The following KIAA1549L variants were observed in gnomAD, a reference collection of about 807,000 sequenced individuals.
KIAA1549L encodes the protein KIAA1549 like, also known as UPF0606 protein KIAA1549L.
In KIAA1549L, 88 loss-of-function variants were observed where a neutral mutation model predicts 160.7. That is an observed-to-expected ratio of 0.55 (90% CI 0.46 to 0.65). The LOEUF (loss-of-function observed/expected upper bound fraction) is 0.65, where lower values mean the gene tolerates loss of function less well. Ranked by LOEUF, KIAA1549L falls within the 30% of genes least tolerant of loss-of-function variation. The probability of loss-of-function intolerance (pLI) is 0.00; values close to 1 mark genes in which losing one functional copy is unlikely to be tolerated. For synonymous variants in KIAA1549L, 950 were observed against 976.7 expected (o/e 0.97, Z 0.51); for missense variants, 2,258 against 2,437.5 (o/e 0.93, Z 1.55).
At position 33,660,999 on chromosome 11, in the gene KIAA1549L, C is replaced by T. The variant is rs754235880; in HGVS notation, c.6144C>T (p.Ser2048=). The T allele has an allele frequency of 1.9e-6, 3 of 1,610,188 alleles. No homozygotes were observed. The South Asian group carries it at 3.3e-5, about 18-fold the overall frequency. Residue 2048 remains serine (S), a synonymous_variant, in exon 20 of 21, where the codon AGC becomes AGT. Transcript: ENST00000658780. ...MSYAGENELP[S]QWADSVPLPG... is the part of the protein sequence containing the mutation. ...ATGCAGGAGAGAATGAGCTCCCGAG[C>T]CAGTGGGCAGATTCGGTGAGACCCT...
rs764693629 is a variant in KIAA1549L at position 33,583,330 on chromosome 11, T to C, written c.4403-8T>C. ...TGTCATGTCCCTCCTGCTGGCTCTT[T>C]CCCACAGCCGTGGTGAAGAACCCGC... On this transcript the variant is annotated splice_polypyrimidine_tract_variant and splice_region_variant and intron_variant, in intron 10 of 20. Transcript: ENST00000658780. 2 of 1,598,380 alleles carry C rather than the reference T, an allele frequency of 1.3e-6. No homozygotes were observed. The highest frequency in any genetic ancestry group is 2.7e-5 in the African/African-American group (2 of 74,818).
chr11:33,409,766 CTTTTT>C (rs34301559), intron 1 of KIAA1549L, among the ~76,000 whole-genome samples: 4 of 132,166 alleles, frequency 3.0e-5, no homozygotes, highest in East Asian at 2.2e-4. Context: ...GTTCTCACCT[CTTTTT>C]TTTTTTTTTT....
chr11:33,661,835 G>A (rs1317501990), intron 20 of KIAA1549L, among the ~76,000 whole-genome samples: 4 of 132,278 alleles, frequency 3.0e-5, no homozygotes, highest in South Asian at 2.4e-4. Context: ...AGCCAAGATC[G>A]CGCCACTCCA....
At chr11:33,462,074 T>A (rs1239694977) in intron 1 of KIAA1549L, among the ~76,000 whole-genome samples, 1 of 152,232 alleles carries the variant, frequency 6.6e-6, no homozygotes, top group Admixed American at 6.5e-5. Context: ...CAATTTTTAA[T>A]CCGTAAGCGG....
chr11:33,544,412 C>T (rs2133181064), intron 2 of KIAA1549L, 76 bp downstream of exon 2: 1 of 1,462,304 alleles, frequency 6.8e-7, no homozygotes, highest in East Asian at 2.3e-5. Flanking sequence ...GTCAAAGCAT[C>T]TTCAAGCTCA....
chr11:33,550,618 G>A (rs1442879221), intron 4 of KIAA1549L, among the ~76,000 whole-genome samples: 1 of 152,072 alleles, frequency 6.6e-6, no homozygotes, highest in Non-Finnish European at 1.5e-5. Context: ...GTGCCCCCAA[G>A]GTTCCCCCAC....
At chr11:33,390,994 T>C (rs1284626144) in intron 1 of KIAA1549L, among the ~76,000 whole-genome samples, 1 of 152,214 alleles carries the variant, frequency 6.6e-6, no homozygotes, top group East Asian at 1.9e-4. Context: ...CCAAGGACTT[T>C]GAAACCTAGG....
chr11:33,470,272 T>C (rs1051159641), intron 1 of KIAA1549L, among the ~76,000 whole-genome samples: 2 of 152,214 alleles, frequency 1.3e-5, no homozygotes, highest in African/African-American at 4.8e-5. Flanking sequence ...GAAAAGACCC[T>C]TCTTTTCTCA....
intron 6 of KIAA1549L, among the ~76,000 whole-genome samples, chr11:33,556,870 G>A (rs1464744647): frequency 2.0e-5 from 3 of 152,232 alleles, no homozygotes; most frequent in African/African-American, 7.2e-5. Flanking sequence ...AATTTTATAT[G>A]TGTGTTTTAC....
chr11:33,623,480 C>T (rs1197598852), intron 16 of KIAA1549L, among the ~76,000 whole-genome samples: 1 of 152,112 alleles, frequency 6.6e-6, no homozygotes. Context: ...TATGTTATCT[C>T]GACTTAATTT....
chr11:33,517,038 G>A (rs568244411), intron 1 of KIAA1549L, among the ~76,000 whole-genome samples: 1 of 152,206 alleles, frequency 6.6e-6, no homozygotes, highest in African/African-American at 2.4e-5. Context: ...TTTTACAAAT[G>A]ACACAGCTTT....
intron 16 of KIAA1549L, among the ~76,000 whole-genome samples, chr11:33,626,077 C>T (rs543027200): frequency 4.2e-4 from 63 of 149,444 alleles, no homozygotes; most frequent in East Asian, 2.1e-3. Context: ...TGTAGATATG[C>T]GGCATGATTT....
intron 1 of KIAA1549L, among the ~76,000 whole-genome samples, chr11:33,452,915 T>TG (rs1565143515): frequency 6.6e-6 from 1 of 152,188 alleles, no homozygotes; most frequent in Non-Finnish European, 1.5e-5. Flanking sequence ...AATCTCTTGA[T>TG]GAAGTGAGAG....
In KIAA1549L at chr11:33,543,901, G is replaced by A. The variant is rs750757244; in HGVS notation, c.2338G>A (p.Gly780Ser). The part of the protein sequence containing the change: ...EGFSIQDLVL[G>S]TSIEQPVQQS... Reference sequence around the variant, plus strand: ...GTTTAGTATTCAGGATCTAGTCCTCGGTACAAGCATTGAGCAGCCTGTGCA... The same window carrying A: ...GTTTAGTATTCAGGATCTAGTCCTCAGTACAAGCATTGAGCAGCCTGTGCA... The change falls in exon 2 of 21, where the codon GGT (glycine) becomes AGT (serine). Residue 780 changes from glycine (G) to serine (S), a missense_variant. Physicochemically the swap from Gly to Ser is moderately conservative, Grantham distance 56. This residue lies in a region of KIAA1549L where 287 missense variants were observed against 292.3 expected (regional missense o/e 0.98). Coordinates refer to ENST00000658780, the MANE Select transcript of KIAA1549L (RefSeq NM_012194.3). 1.1e-5 allele frequency: 17 copies of A among 1,613,848 alleles called. No homozygotes were observed. Among genetic ancestry groups the A allele is most frequent in the Middle Eastern group, 1.6e-4 (1 of 6,084 alleles).
chr11:33,529,614 G>A (rs1429283579), intron 1 of KIAA1549L, among the ~76,000 whole-genome samples: 1 of 152,140 alleles, frequency 6.6e-6, no homozygotes, highest in African/African-American at 2.4e-5. Flanking sequence ...CAAGGCAATT[G>A]GATCAGGAAC....
intron 1 of KIAA1549L, among the ~76,000 whole-genome samples, chr11:33,431,807 C>T (rs1282037981): frequency 2.6e-5 from 4 of 152,182 alleles, no homozygotes; most frequent in African/African-American, 7.2e-5. Flanking sequence ...CGGTGCTCAT[C>T]GGGGAGGCTC....
chr11:33,593,449 A>G (rs753345568), intron 12 of KIAA1549L, among the ~76,000 whole-genome samples: 7 of 152,208 alleles, frequency 4.6e-5, no homozygotes, highest in Non-Finnish European at 1.5e-5. Context: ...AAAATAAAAT[A>G]TAATTAAAAT....
intron 1 of KIAA1549L, among the ~76,000 whole-genome samples, chr11:33,540,274 G>A (rs77049700): frequency 3.3e-5 from 5 of 152,170 alleles, no homozygotes; most frequent in South Asian, 2.1e-4. Flanking sequence ...AATTTGTTTT[G>A]ATTCTGAATC....
chr11:33,421,946 A>G (rs1472105746), intron 1 of KIAA1549L, among the ~76,000 whole-genome samples: 4 of 152,096 alleles, frequency 2.6e-5, no homozygotes, highest in African/African-American at 7.2e-5. Flanking sequence ...TGCATTTCCT[A>G]ACAAGTTTCC....
Sources: gnomAD v4.1 joint callset for allele counts (sites outside exome capture counted in the v4.1 genomes callset) on GRCh38, gnomAD v4.1.1 for gene constraint, gnomAD v4.1.1 regional missense constraint, MANE v1.5 for transcripts, NCBI Gene and HGNC (gene_info 2026-07-23, HGNC 2026-07-21) for gene names.